Variants in BANK1 observed in about 807,000 individuals in gnomAD.
BANK1 encodes B-cell scaffold protein with ankyrin repeats.
Under a neutral mutation model 94.5 loss-of-function variants are expected in BANK1, and 95 were observed. The observed-to-expected ratio is 1.00, with a 90% confidence interval of 0.85 to 1.19. The LOEUF is 1.19. BANK1 is among the 50% of genes most tolerant of loss of function. BANK1 has a pLI of 0.00. For synonymous variants in BANK1, 334 were observed against 308.4 expected (o/e 1.08, Z -0.87); for missense variants, 987 against 932.2 (o/e 1.06, Z -0.77).
intron 7 of BANK1, among the ~76,000 whole-genome samples, chr4:101,936,512 C>T (rs1438062858): frequency 6.7e-6 from 1 of 149,552 alleles, no homozygotes; most frequent in Non-Finnish European, 1.5e-5. Context: ...AAGATGTATA[C>T]ATGTATACTA....
intron 1 of BANK1, among the ~76,000 whole-genome samples, chr4:101,813,578 T>C (rs1725795249): frequency 6.6e-6 from 1 of 152,218 alleles, no homozygotes; most frequent in African/African-American, 2.4e-5. Flanking sequence ...TGCCCAAAAG[T>C]GGTTCTGATG....
chr4:101,876,597 T>C (rs1041030592), intron 5 of BANK1, among the ~76,000 whole-genome samples: 3 of 152,162 alleles, frequency 2.0e-5, no homozygotes, highest in African/African-American at 7.2e-5. Context: ...CAAGCCCAGA[T>C]TGAGAAGGCT....
intron 10 of BANK1, among the ~76,000 whole-genome samples, chr4:102,030,528 T>C (rs1233672306): frequency 1.3e-5 from 2 of 152,044 alleles, no homozygotes; most frequent in Admixed American, 1.3e-4. Context: ...TAGTCTGCTG[T>C]ACCCATCAAC....
chr4:101,841,720 A>C (rs1727052607), intron 2 of BANK1, among the ~76,000 whole-genome samples: 1 of 151,028 alleles, frequency 6.6e-6, no homozygotes, highest in Non-Finnish European at 1.5e-5. Flanking sequence ...GGTGTGCTGC[A>C]CCCACTAACT....
chr4:101,846,546 T>A (rs571454475), intron 2 of BANK1, among the ~76,000 whole-genome samples: 1 of 152,284 alleles, frequency 6.6e-6, no homozygotes, highest in Admixed American at 6.5e-5. Context: ...TAAGACTGGG[T>A]AATTTAAATA....
chr4:101,874,284 AT>A (rs1248538372), intron 5 of BANK1, among the ~76,000 whole-genome samples: 2 of 152,146 alleles, frequency 1.3e-5, no homozygotes, highest in African/African-American at 2.4e-5. Flanking sequence ...GGGAACTCTC[AT>A]CGTGAAGAAC....
chr4:101,924,236 C>T (rs1471058191), intron 7 of BANK1, among the ~76,000 whole-genome samples: 1 of 151,712 alleles, frequency 6.6e-6, no homozygotes, highest in African/African-American at 2.4e-5. Flanking sequence ...GTCTACTAAG[C>T]CCAGTGTGTG....
At chr4:101,903,644 G>C (rs1722352832) in intron 6 of BANK1, among the ~76,000 whole-genome samples, 1 of 152,138 alleles carries the variant, frequency 6.6e-6, no homozygotes, top group Admixed American at 6.5e-5. Flanking sequence ...GAATTGCCAA[G>C]GGCTAATAAG....
chr4:101,928,833 A>G (rs1723248071), intron 7 of BANK1, among the ~76,000 whole-genome samples: 1 of 151,300 alleles, frequency 6.6e-6, no homozygotes, highest in Admixed American at 6.6e-5. Flanking sequence ...GGCGCTGAAC[A>G]TTTGTTCACG....
At chr4:102,046,061 AC>A (rs1227805978) in intron 11 of BANK1, among the ~76,000 whole-genome samples, 3 of 150,710 alleles carry the variant, frequency 2.0e-5, no homozygotes, top group Non-Finnish European at 4.4e-5. Flanking sequence ...GGCTACAGTA[AC>A]CAAAACAGCA....
In BANK1 at chr4:101,801,757, T is replaced by C. The variant is rs149990620; in HGVS notation, c.70+10807T>C. ...TTGTGCTTTTTGTCTTAAAAACTTA[T>C]AAGACCACATTACATATTTAAAATG... On this transcript the variant is annotated intron_variant, in intron 1 of 16. Transcript: ENST00000322953. Among the ~76,000 whole-genome samples, 152 of 152,388 alleles carry C rather than the reference T, an allele frequency of 1.0e-3. 5 individuals are homozygous for C. In the East Asian group the frequency reaches 0.027, roughly 27 times the overall value.
At chr4:101,908,103 T>C (rs1241861891) in intron 6 of BANK1, among the ~76,000 whole-genome samples, 1 of 152,166 alleles carries the variant, frequency 6.6e-6, no homozygotes, top group Non-Finnish European at 1.5e-5. Flanking sequence ...GCCAAGTCAA[T>C]CCTAAACCAA....
In BANK1 at chr4:101,867,175, TTAAAAAAA is replaced by T. The variant is rs1257437283; in HGVS notation, c.764-3329_764-3322del. 1.2e-4 allele frequency among the ~76,000 whole-genome samples: 4 copies of T among 34,222 alleles called. 1 individual carries two copies. Among genetic ancestry groups the T allele is most frequent in the African/African-American group, 1.2e-3 (4 of 3,478 alleles). The allele number at this position is 34,222 out of a possible 152,430, so 22.5% of individuals were successfully genotyped here. A position where few individuals can be genotyped will look rare whatever the true frequency, so the allele number is the denominator to read the frequency against. On this transcript the variant is annotated intron_variant, in intron 4 of 16. Transcript: ENST00000322953. Reference sequence around the variant, plus strand: ...AAACTTAGAGTATAATAAAAAAAATTTAAAAAAAAAAAAAAAAAAAAGAATTACGTTGA... The same window carrying T: ...AAACTTAGAGTATAATAAAAAAAATTAAAAAAAAAAAAAGAATTACGTTGA...
chr4:101,860,077 A>G (rs1016850543), intron 3 of BANK1, among the ~76,000 whole-genome samples: 8 of 152,228 alleles, frequency 5.3e-5, no homozygotes, highest in African/African-American at 1.9e-4. Context: ...CCTGAGTTGG[A>G]CATTGTTGGA....
intron 2 of BANK1, among the ~76,000 whole-genome samples, chr4:101,836,818 G>A (rs1254505055): frequency 6.6e-6 from 1 of 152,186 alleles, no homozygotes; most frequent in African/African-American, 2.4e-5. Context: ...AAAAGAAAGG[G>A]TGAATTATTA....
chr4:102,002,831 G>C (rs1726125185), intron 7 of BANK1, among the ~76,000 whole-genome samples: 1 of 152,166 alleles, frequency 6.6e-6, no homozygotes, highest in Non-Finnish European at 1.5e-5. Flanking sequence ...CTAGAGTGCA[G>C]TGGTGCAGTC....
chr4:101,860,492 G>A (rs1326197548), intron 3 of BANK1, among the ~76,000 whole-genome samples: 3 of 151,906 alleles, frequency 2.0e-5, no homozygotes, highest in African/African-American at 4.8e-5. Flanking sequence ...GTGCAGTGGC[G>A]TGATCTCGGC....
At chr4:102,026,473 T>C (rs560256351) in intron 9 of BANK1, among the ~76,000 whole-genome samples, 3 of 152,290 alleles carry the variant, frequency 2.0e-5, no homozygotes, top group South Asian at 4.1e-4. Context: ...TGTTGGGTCC[T>C]AGAAGGCTAC....
intron 12 of BANK1, among the ~76,000 whole-genome samples, chr4:102,060,929 G>T (rs896489330): frequency 4.6e-5 from 7 of 152,232 alleles, no homozygotes; most frequent in Admixed American, 3.3e-4. Context: ...GATGGGATTG[G>T]AGGACATGGT....
Sources: allele counts gnomAD v4.1 joint callset (sites outside exome capture counted in the v4.1 genomes callset), GRCh38; gene constraint gnomAD v4.1.1; transcripts MANE v1.5; gene names NCBI Gene and HGNC (gene_info 2026-07-23, HGNC 2026-07-21).